Variants in KSR2 observed in about 807,000 individuals in gnomAD.
The protein encoded by KSR2 is kinase suppressor of ras 2.
A neutral mutation model predicts 107.8 loss-of-function variants in KSR2; 25 were observed. The ratio of observed to expected loss-of-function variants is 0.23; its 90% CI spans 0.17 to 0.32. The LOEUF is 0.32. Ranked by LOEUF, KSR2 falls within the 10% of genes least tolerant of loss-of-function variation. The pLI is 1.00. For missense variants in KSR2, 887 were observed against 1,268.9 expected (o/e 0.70, Z 4.57); for synonymous variants, 480 against 507.0 (o/e 0.95, Z 0.71).
At chr12:117,568,590 T>C (rs1262319089) in intron 7 of KSR2, among the ~76,000 whole-genome samples, 1 of 152,176 alleles carries the variant, frequency 6.6e-6, no homozygotes, top group Non-Finnish European at 1.5e-5. Flanking sequence ...CTCTGTTTCC[T>C]CGTCTGTAAA....
chr12:117,606,391 C>T (rs12422533), intron 5 of KSR2, among the ~76,000 whole-genome samples: 801 of 20,910 alleles, frequency 0.038, 72 homozygotes, highest in African/African-American at 0.14. Context: ...CCTCCTTCCT[C>T]CCTCCCTCCT....
At chr12:117,718,555 T>G (rs1015111996) in intron 4 of KSR2, among the ~76,000 whole-genome samples, 2 of 152,108 alleles carry the variant, frequency 1.3e-5, no homozygotes, top group Non-Finnish European at 1.5e-5. Flanking sequence ...AGGCAGACCA[T>G]GAGGTTGGTG....
intron 1 of KSR2, among the ~76,000 whole-genome samples, chr12:117,885,510 A>G (rs1486953391): frequency 1.3e-5 from 2 of 152,226 alleles, no homozygotes; most frequent in African/African-American, 4.8e-5. Flanking sequence ...CTCTGGGGAA[A>G]AGTGTGTGTC....
At chr12:117,511,548 A>G (rs1185444749) in intron 14 of KSR2, among the ~76,000 whole-genome samples, 1 of 152,230 alleles carries the variant, frequency 6.6e-6, no homozygotes, top group Non-Finnish European at 1.5e-5. Context: ...ATGTCTTTGA[A>G]CAAGCCACCT....
chr12:117,695,079 G>A (rs1235309327), intron 4 of KSR2, among the ~76,000 whole-genome samples: 3 of 152,022 alleles, frequency 2.0e-5, no homozygotes, highest in African/African-American at 4.8e-5. Context: ...TCAATTTCTT[G>A]ACCTTGTGAT....
At chr12:117,517,759 A>G in intron 14 of KSR2, 1 of 440,466 alleles carries the variant, frequency 2.3e-6, no homozygotes, top group Non-Finnish European at 4.5e-6. Context: ...TTGAACATAA[A>G]AGGAAGCCGC....
intron 4 of KSR2, among the ~76,000 whole-genome samples, chr12:117,740,639 A>G (rs1888178996): frequency 7.5e-6 from 1 of 133,896 alleles, no homozygotes. Context: ...TGTAATATAT[A>G]CATATATTAT....
At chr12:117,868,486 C>G (rs1213514097) in intron 1 of KSR2, among the ~76,000 whole-genome samples, 1 of 151,942 alleles carries the variant, frequency 6.6e-6, no homozygotes, top group Non-Finnish European at 1.5e-5. Flanking sequence ...GAGCACTTCC[C>G]CCATGTGCCA....
intron 3 of KSR2, among the ~76,000 whole-genome samples, chr12:117,804,698 C>A (rs1328887251): frequency 1.3e-5 from 2 of 152,138 alleles, no homozygotes; most frequent in Admixed American, 6.6e-5. Context: ...GTGTTTCCTG[C>A]AGTAAATCAT....
rs376984373 is a variant in KSR2, at chr12:117,681,904, A to C, written c.987-14246T>G. On this transcript the variant is annotated intron_variant, in intron 4 of 19. Transcript: ENST00000339824. ...AACCAGAAGTACCATTTGAACTAGCAATCTCATTAAAGGGTATATACCCAA... is the reference window on the plus strand; with the variant it reads ...AACCAGAAGTACCATTTGAACTAGCCATCTCATTAAAGGGTATATACCCAA... 7.2e-5 allele frequency among the ~76,000 whole-genome samples: 11 copies of C among 152,302 alleles called. No individual in the cohort carries two copies. The South Asian group carries it at 1.9e-3, about 26-fold the overall frequency.
chr12:117,649,676 G>A (rs1016480053), intron 5 of KSR2, among the ~76,000 whole-genome samples: 1 of 152,200 alleles, frequency 6.6e-6, no homozygotes, highest in Non-Finnish European at 1.5e-5. Context: ...AAGCCAGGAT[G>A]CCATGGCTTT....
At chr12:117,752,469 C>T (rs759722651) in intron 4 of KSR2, among the ~76,000 whole-genome samples, 25 of 152,032 alleles carry the variant, frequency 1.6e-4, no homozygotes, top group Non-Finnish European at 2.9e-4. Context: ...TAGTGTGGTT[C>T]CAATAATGAA....
chr12:117,463,016 G>A lies in KSR2; in HGVS notation c.*4183C>T, dbSNP rs1406266746. 6.6e-6 allele frequency: 1 copy of A among 152,232 alleles called. No individual in the cohort carries two copies. The highest frequency in any genetic ancestry group is 1.5e-5 in the Non-Finnish European group (1 of 68,056). 9.4% of individuals were successfully genotyped at this position (152,232 alleles called of 1,614,324 possible). ...CAGAAACCAACCCTGCTGACACCTT[G>A]ATCTTGGGACTTCCAGCCTCAAGAA... On this transcript the variant is annotated 3_prime_UTR_variant, in exon 20 of 20. Coordinates refer to ENST00000339824, the MANE Select transcript of KSR2 (RefSeq NM_173598.6).
rs34834989 is a variant in KSR2 at position 117,968,029 on chromosome 12, CTTTTTTTTTTTTTTTTTT to C, written c.180+29_180+46del. ...AGAAAGGAGGGGGAAAGAAGGATTG[CTTTTTTTTTTTTTTTTTT>C]TTTTTTTTTTCCCGTAGGCAACACC... On this transcript the variant is annotated intron_variant, in intron 1 of 19. Coordinates refer to ENST00000339824, the MANE Select transcript of KSR2 (RefSeq NM_173598.6). 39 of 678,906 alleles carry C rather than the reference CTTTTTTTTTTTTTTTTTT, an allele frequency of 5.7e-5. No homozygotes were observed. In the African/African-American group the frequency reaches 8.3e-4, roughly 14 times the overall value. The allele number at this position is 678,906 out of a possible 1,614,324, so 42.1% of individuals were successfully genotyped here.
In KSR2 at chr12:117,911,888, G is replaced by A. The variant is rs143219296; in HGVS notation, c.181-51457C>T. 6.3e-3 allele frequency among the ~76,000 whole-genome samples: 960 copies of A among 152,296 alleles called. 9 individuals are homozygous for A. The highest frequency in any genetic ancestry group is 0.021 in the African/African-American group (892 of 41,560). ...AAGAAGCCAAGGCTTATGCGTCTCC[G>A]GGCCAGGAGAACCACTTGCCCTGGG... On this transcript the variant is annotated intron_variant, in intron 1 of 19. Transcript: ENST00000339824.
At chr12:117,895,094 GGTGGCACAAAC>G (rs1894471153) in intron 1 of KSR2, among the ~76,000 whole-genome samples, 5 of 151,846 alleles carry the variant, frequency 3.3e-5, no homozygotes, top group African/African-American at 1.2e-4. Flanking sequence ...AGCCAGGTGT[GGTGGCACAAAC>G]CTGTGCCTGT....
At chr12:117,473,572 C>T (rs1028387477) in intron 17 of KSR2, among the ~76,000 whole-genome samples, 3 of 152,100 alleles carry the variant, frequency 2.0e-5, no homozygotes, top group Admixed American at 1.3e-4. Context: ...TTGTGGCTGG[C>T]GATTGGAGTC....
At chr12:117,854,302 C>T (rs533800840) in intron 3 of KSR2, among the ~76,000 whole-genome samples, 10 of 152,306 alleles carry the variant, frequency 6.6e-5, no homozygotes, top group Admixed American at 6.5e-5. Context: ...CCAGTGTGCC[C>T]GGCCGCATGG....
At chr12:117,866,040 T>TTATTTA (rs545494717) in intron 1 of KSR2, among the ~76,000 whole-genome samples, 20,378 of 143,160 alleles carry the variant, frequency 0.14, 1,566 homozygotes, top group Non-Finnish European at 0.17. Context: ...ATCTCTCTCT[T>TTATTTA]TTTTTTTTTT....
Sources: allele counts gnomAD v4.1 joint callset (sites outside exome capture counted in the v4.1 genomes callset), GRCh38; gene constraint gnomAD v4.1.1; transcripts MANE v1.5; gene names NCBI Gene and HGNC (gene_info 2026-07-23, HGNC 2026-07-21).